Variants in LHFPL6 observed in about 807,000 individuals in gnomAD.
The protein encoded by LHFPL6 is LHFPL tetraspan subfamily member 6 protein.
A neutral mutation model predicts 20.6 loss-of-function variants in LHFPL6; 9 were observed. That is an observed-to-expected ratio of 0.44 (90% CI 0.26 to 0.76). The LOEUF is 0.76. Among genes scored for constraint, LHFPL6 ranks in the 30% least tolerant of loss-of-function variants. The pLI, the probability that LHFPL6 is intolerant of heterozygous loss-of-function variation, is 0.20. For synonymous variants in LHFPL6, 105 were observed against 98.7 expected, an observed-to-expected ratio of 1.06 and a Z score of -0.38; for missense variants, 218 against 253.5, an observed-to-expected ratio of 0.86 and a Z score of 0.95.
chr13:39,548,643 T>C (rs1163455661), intron 2 of LHFPL6, among the ~76,000 whole-genome samples: 2 of 152,196 alleles, frequency 1.3e-5, no homozygotes, highest in Middle Eastern at 3.4e-3. Flanking sequence ...AAGTCTATGG[T>C]GCATGTTAAG....
At chr13:39,593,357 A>G (rs1221260269) in intron 2 of LHFPL6, among the ~76,000 whole-genome samples, 1 of 152,208 alleles carries the variant, frequency 6.6e-6, no homozygotes, top group Non-Finnish European at 1.5e-5. Context: ...GTGAACTCCC[A>G]TTCACAATTG....
intron 2 of LHFPL6, among the ~76,000 whole-genome samples, chr13:39,468,531 A>G (rs1235209032): frequency 6.6e-6 from 1 of 152,158 alleles, no homozygotes; most frequent in African/African-American, 2.4e-5. Context: ...GCCATGAAAT[A>G]TCTTAACATT....
intron 2 of LHFPL6, among the ~76,000 whole-genome samples, chr13:39,519,249 T>TAA (rs199696306): frequency 3.8e-5 from 5 of 131,920 alleles, no homozygotes; most frequent in Admixed American, 2.2e-4. Flanking sequence ...AAAATAAAAA[T>TAA]AAAAAAAAAA....
chr13:39,485,794 C>T (rs1415265414), intron 2 of LHFPL6, among the ~76,000 whole-genome samples: 1 of 151,986 alleles, frequency 6.6e-6, no homozygotes, highest in South Asian at 2.1e-4. Context: ...TTGCTTTGAC[C>T]TCCTATAACA....
chr13:39,547,312 T>C (rs533018433), intron 2 of LHFPL6, among the ~76,000 whole-genome samples: 1 of 152,238 alleles, frequency 6.6e-6, no homozygotes, highest in African/African-American at 2.4e-5. Context: ...CTTCCTTATG[T>C]CTATTTCACC....
At chr13:39,558,036 T>C (rs780895340) in intron 2 of LHFPL6, among the ~76,000 whole-genome samples, 1 of 152,328 alleles carries the variant, frequency 6.6e-6, no homozygotes. Flanking sequence ...ATGCTTTCCG[T>C]ACGGCCTGCA....
intron 3 of LHFPL6, among the ~76,000 whole-genome samples, chr13:39,367,782 C>A (rs183447331): frequency 6.6e-6 from 1 of 152,300 alleles, no homozygotes; most frequent in East Asian, 1.9e-4. Flanking sequence ...TTCTCTGAAG[C>A]CTACTGATGG....
At chr13:39,510,425 T>A (rs1369417276) in intron 2 of LHFPL6, among the ~76,000 whole-genome samples, 1 of 152,258 alleles carries the variant, frequency 6.6e-6, no homozygotes, top group African/African-American at 2.4e-5. Context: ...AGAGAGCTGT[T>A]TGTTTCTCCC....
At chr13:39,552,902 T>C (rs1312331328) in intron 2 of LHFPL6, among the ~76,000 whole-genome samples, 1 of 152,148 alleles carries the variant, frequency 6.6e-6, no homozygotes, top group African/African-American at 2.4e-5. Flanking sequence ...ATTTGTTGTA[T>C]ACTTATTCTG....
intron 2 of LHFPL6, among the ~76,000 whole-genome samples, chr13:39,549,131 T>A (rs1292963499): frequency 1.3e-5 from 2 of 152,126 alleles, no homozygotes; most frequent in Non-Finnish European, 2.9e-5. Flanking sequence ...AGAAGATGGA[T>A]GGATGGCAAA....
intron 3 of LHFPL6, among the ~76,000 whole-genome samples, chr13:39,378,199 G>A (rs1462015958): frequency 6.6e-6 from 1 of 152,114 alleles, no homozygotes; most frequent in African/African-American, 2.4e-5. Flanking sequence ...CGGGGCAGGG[G>A]CCATTTCTTA....
chr13:39,562,605 T>TATAC lies in LHFPL6; in HGVS notation c.385+38226_385+38227insGTAT, dbSNP rs66896008. Among the ~76,000 whole-genome samples the TATAC allele has an allele frequency of 3.1e-3, 184 of 58,682 alleles. 1 individual carries two copies. Among genetic ancestry groups the TATAC allele is most frequent in the African/African-American group, 8.1e-3 (176 of 21,632 alleles). The allele number at this position is 58,682 out of a possible 152,430, so 38.5% of individuals were successfully genotyped here. ...ACACATATATACATATATACACATA[T>TATAC]ACATATATACACATATATACACACA... On this transcript the variant is annotated intron_variant, in intron 2 of 3. Coordinates refer to ENST00000379589, the MANE Select transcript of LHFPL6 (RefSeq NM_005780.3).
At chr13:39,406,257 G>A (rs1015157674) in intron 2 of LHFPL6, among the ~76,000 whole-genome samples, 3 of 152,068 alleles carry the variant, frequency 2.0e-5, no homozygotes, top group African/African-American at 7.2e-5. Context: ...TAGTATCAAT[G>A]TATGACTTTT....
intron 2 of LHFPL6, among the ~76,000 whole-genome samples, chr13:39,570,888 T>A (rs1175395569): frequency 6.6e-6 from 1 of 152,194 alleles, no homozygotes; most frequent in Non-Finnish European, 1.5e-5. Context: ...ATGTTCAAAG[T>A]AAGAAGAACC....
intron 2 of LHFPL6, among the ~76,000 whole-genome samples, chr13:39,567,282 A>G (rs1411280893): frequency 6.6e-6 from 1 of 152,234 alleles, no homozygotes; most frequent in Non-Finnish European, 1.5e-5. Flanking sequence ...AAAAGAATAA[A>G]GTGACACAGA....
At chr13:39,562,491 CATATACATATATACAT>C (rs200972303) in intron 2 of LHFPL6, among the ~76,000 whole-genome samples, 5 of 128,706 alleles carry the variant, frequency 3.9e-5, no homozygotes, top group Non-Finnish European at 6.6e-5. Flanking sequence ...CATATATACA[CATATACATATATACAT>C]ATATACATAT....
intron 2 of LHFPL6, among the ~76,000 whole-genome samples, chr13:39,515,857 A>T (rs1255171797): frequency 6.6e-6 from 1 of 152,224 alleles, no homozygotes; most frequent in East Asian, 1.9e-4. Context: ...TGTTTTCATT[A>T]AAAAAGAAAA....
chr13:39,368,576 G>C (rs578007311), intron 3 of LHFPL6, among the ~76,000 whole-genome samples: 11 of 151,308 alleles, frequency 7.3e-5, no homozygotes, highest in African/African-American at 2.7e-4. Context: ...GTGAGACTCC[G>C]TCTCAACAAC....
chr13:39,415,500 GAAA>G (rs71077296), intron 2 of LHFPL6, among the ~76,000 whole-genome samples: 123 of 145,242 alleles, frequency 8.5e-4, no homozygotes, highest in African/African-American at 2.8e-3. Context: ...TAAAAATACT[GAAA>G]AAAAAAAAAA....
Sources: gnomAD v4.1 joint callset for allele counts (sites outside exome capture counted in the v4.1 genomes callset) on GRCh38, gnomAD v4.1.1 for gene constraint, MANE v1.5 for transcripts, NCBI Gene and HGNC (gene_info 2026-07-23, HGNC 2026-07-21) for gene names.